Variants in PRKCH observed in about 807,000 individuals in gnomAD.
PRKCH encodes the protein protein kinase C eta.
In PRKCH, 28 loss-of-function variants were observed where a neutral mutation model predicts 82.5. The observed-to-expected ratio is 0.34, with a 90% CI of 0.25 to 0.47. PRKCH has a LOEUF of 0.47. Among genes scored for constraint, PRKCH ranks in the 20% least tolerant of loss-of-function variants. The probability of loss-of-function intolerance (pLI) is 1.00; values close to 1 mark genes in which losing one functional copy is unlikely to be tolerated. For synonymous variants in PRKCH, 322 were observed against 327.4 expected (o/e 0.98, Z 0.18); for missense variants, 705 against 881.8 (o/e 0.80, Z 2.54).
chr14:61,298,281 T>C (rs1457575721), intron 1 of PRKCH: 2 of 152,358 alleles, frequency 1.3e-5, no homozygotes, highest in Non-Finnish European at 2.9e-5. Flanking sequence ...TTCTTCCACT[T>C]GGATGTCTTC....
rs377193834 is a variant in PRKCH at position 61,457,541 on chromosome 14, C to G, written c.1140C>G (p.Leu380=). Residue 380 remains leucine (L), a synonymous_variant, in exon 9 of 14, where the codon CTC becomes CTG. Transcript: ENST00000332981. ...MLARVKETGD[L]YAVKVLKKDV... ...CAAGAGTAAAAGAAACAGGAGACCT[C>G]TATGCTGTGAAGGTGCTGAAGAAGG... 3.7e-6 allele frequency: 6 copies of G among 1,614,130 alleles called. No homozygotes were observed. Among genetic ancestry groups the G allele is most frequent in the Non-Finnish European group, 5.1e-6 (6 of 1,180,022 alleles).
At chr14:61,299,656 C>G (rs1300679514) in intron 1 of PRKCH, 1 of 150,704 alleles carries the variant, frequency 6.6e-6, no homozygotes, top group Non-Finnish European at 1.5e-5. Context: ...GTAATAGTAC[C>G]ACAGCATCCT....
At chr14:61,281,499 C>G (rs2045266666) in intron 1 of PRKCH, 1 of 184,550 alleles carries the variant, frequency 5.4e-6, no homozygotes, top group Admixed American at 6.4e-5. Context: ...GGTCATCGGA[C>G]TCCACCTCCT....
chr14:61,346,691 A>C (rs1398149152), intron 1 of PRKCH, among the ~76,000 whole-genome samples: 3 of 152,182 alleles, frequency 2.0e-5, no homozygotes, highest in African/African-American at 7.2e-5. Context: ...GTATGTGTGT[A>C]CTATGGTGTT....
intron 12 of PRKCH, among the ~76,000 whole-genome samples, chr14:61,533,537 A>T (rs1566932371): frequency 6.6e-6 from 1 of 152,220 alleles, no homozygotes; most frequent in African/African-American, 2.4e-5. Context: ...TTGGTTAAGA[A>T]CCTGCCTCCA....
chr14:61,423,218 T>G (rs1407730326), intron 2 of PRKCH, among the ~76,000 whole-genome samples: 1 of 152,154 alleles, frequency 6.6e-6, no homozygotes, highest in Non-Finnish European at 1.5e-5. Context: ...GGACAAGAGA[T>G]CTTTAACTTG....
intron 2 of PRKCH, among the ~76,000 whole-genome samples, chr14:61,394,581 T>C (rs1862225887): frequency 6.6e-6 from 1 of 152,206 alleles, no homozygotes; most frequent in African/African-American, 2.4e-5. Flanking sequence ...AGTAAAGCAA[T>C]GCATGTTAGA....
chr14:61,193,683 C>T (rs895602578), intron 1 of PRKCH, among the ~76,000 whole-genome samples: 1 of 152,186 alleles, frequency 6.6e-6, no homozygotes, highest in South Asian at 2.1e-4. Flanking sequence ...ACCACTGTCT[C>T]AGTCAGGGGT....
intron 2 of PRKCH, among the ~76,000 whole-genome samples, chr14:61,438,338 G>A (rs150512146): frequency 2.0e-5 from 3 of 152,246 alleles, no homozygotes; most frequent in East Asian, 1.9e-4. Context: ...GAGTTCAATC[G>A]TATGTTACAC....
chr14:61,271,180 A>G (rs1316116205), intron 1 of PRKCH, among the ~76,000 whole-genome samples: 3 of 152,142 alleles, frequency 2.0e-5, no homozygotes, highest in Admixed American at 6.5e-5. Context: ...ACTTTGATAC[A>G]CTGTTTGCCC....
Position 61,322,436 on chromosome 14 carries a change from C to A in PRKCH, c.335C>A (p.Thr112Asn). The change falls in exon 1 of 14, where the codon ACC (threonine) becomes AAC (asparagine). Residue 112 changes from threonine to asparagine, a missense_variant. Transcript: ENST00000332981. ...TLQFQELLRT[T>N]GASDTFEGWV... ...CAGTTCCAGGAGCTGCTGCGCACGA[C>A]CGGCGCCTCGGACACCTTCGAGGGT... 2 of 1,597,596 alleles carry A rather than the reference C, an allele frequency of 1.3e-6. No homozygotes were observed. Among genetic ancestry groups the A allele is most frequent in the South Asian group, 1.1e-5 (1 of 90,838 alleles).
intron 1 of PRKCH, among the ~76,000 whole-genome samples, chr14:61,189,601 C>G (rs901936613): frequency 3.3e-5 from 5 of 151,798 alleles, no homozygotes; most frequent in Non-Finnish European, 4.4e-5. Flanking sequence ...TCCCTCCCTC[C>G]TTCCCTTCCC....
chr14:61,543,314 G>A (rs2043211429), intron 12 of PRKCH: 1 of 152,190 alleles, frequency 6.6e-6, no homozygotes, highest in South Asian at 2.1e-4. Context: ...CATTCTCGGG[G>A]CCAGGTGTGC....
intron 2 of PRKCH, among the ~76,000 whole-genome samples, chr14:61,392,545 A>G (rs1417348623): frequency 6.6e-6 from 1 of 152,080 alleles, no homozygotes; most frequent in Non-Finnish European, 1.5e-5. Flanking sequence ...TGTTTATTTG[A>G]TAATTTCCAG....
chr14:61,367,956 C>T (rs1462728350), intron 1 of PRKCH, among the ~76,000 whole-genome samples: 2 of 151,830 alleles, frequency 1.3e-5, no homozygotes, highest in African/African-American at 2.4e-5. Context: ...CCTCGTGATC[C>T]GCCTGCCTTA....
At chr14:61,457,824 C>T in intron 9 of PRKCH, 145 bp downstream of exon 9, 1 of 1,107,738 alleles carries the variant, frequency 9.0e-7, no homozygotes, top group Non-Finnish European at 1.3e-6. Context: ...GTATTGGTGA[C>T]TTCTGCCAAC....
At chr14:61,193,016 T>C (rs7144911) in intron 1 of PRKCH, among the ~76,000 whole-genome samples, 5,678 of 152,192 alleles carry the variant, frequency 0.037, 311 homozygotes, top group African/African-American at 0.12. Flanking sequence ...ACAGGTTATG[T>C]TTTTTCTGTT....
At chr14:61,431,272 C>T (rs930049031) in intron 2 of PRKCH, among the ~76,000 whole-genome samples, 3 of 152,200 alleles carry the variant, frequency 2.0e-5, no homozygotes, top group Non-Finnish European at 2.9e-5. Context: ...CACATGCGGA[C>T]AGCCCACCCC....
At chr14:61,411,024 A>G (rs1016168379) in intron 2 of PRKCH, among the ~76,000 whole-genome samples, 1 of 152,204 alleles carries the variant, frequency 6.6e-6, no homozygotes, top group African/African-American at 2.4e-5. Flanking sequence ...CAGTCATTTG[A>G]AGTCAGGACT....
Sources: gnomAD v4.1 joint callset for allele counts (sites outside exome capture counted in the v4.1 genomes callset) on GRCh38, gnomAD v4.1.1 for gene constraint, MANE v1.5 for transcripts, NCBI Gene and HGNC (gene_info 2026-07-23, HGNC 2026-07-21) for gene names.